The following ZNF536 variants were observed in gnomAD, a reference collection of about 807,000 sequenced individuals.
ZNF536 encodes zinc finger protein 536.
In ZNF536, 13 loss-of-function variants were observed where a neutral mutation model predicts 84.5. That is an observed-to-expected ratio of 0.15 (90% CI 0.10 to 0.24). The LOEUF (loss-of-function observed/expected upper bound fraction) is 0.24, where lower values mean the gene tolerates loss of function less well. Ranked by LOEUF, ZNF536 falls within the 10% of genes least tolerant of loss-of-function variation. ZNF536 has a pLI of 1.00. For missense variants in ZNF536, 1,536 were observed against 1,747.5 expected, an observed-to-expected ratio of 0.88 and a Z score of 2.16; for synonymous variants, 811 against 742.5, an observed-to-expected ratio of 1.09 and a Z score of -1.50.
intron 2 of ZNF536, among the ~76,000 whole-genome samples, chr19:30,481,279 C>T (rs904138336): frequency 3.3e-5 from 5 of 152,154 alleles, no homozygotes; most frequent in Admixed American, 6.6e-5. Flanking sequence ...TACATACATG[C>T]GCATGAGTAT....
intron 1 of ZNF536, among the ~76,000 whole-genome samples, chr19:30,409,522 T>C (rs1272744973): frequency 6.6e-6 from 1 of 152,260 alleles, no homozygotes; most frequent in Non-Finnish European, 1.5e-5. Context: ...AATGACACTT[T>C]GATGAACATC....
intron 1 of ZNF536, among the ~76,000 whole-genome samples, chr19:30,438,157 A>G (rs1047304121): frequency 2.0e-5 from 3 of 152,100 alleles, no homozygotes; most frequent in African/African-American, 4.8e-5. Context: ...GGTATATTGC[A>G]TAATGCTGGG....
chr19:30,427,398 G>A (rs10407344), intron 1 of ZNF536, among the ~76,000 whole-genome samples: 66,723 of 152,022 alleles, frequency 0.44, 15,821 homozygotes, highest in Non-Finnish European at 0.54. Context: ...ATGAATCTGG[G>A]TAGTTTGCCC....
Position 30,444,344 on chromosome 19 carries a change from C to T in ZNF536, c.782C>T (p.Ala261Val), listed in dbSNP as rs2148180055. 6.3e-7 allele frequency: 1 copy of T among 1,596,822 alleles called. No homozygotes were observed. The highest frequency in any genetic ancestry group is 2.2e-5 in the East Asian group (1 of 44,662). Residue 261 changes from alanine (A) to valine (V), a missense_variant, in exon 2 of 5, where the codon GCC becomes GTC. By Grantham distance (64) the Ala-to-Val change is moderately conservative. This residue lies in a region of ZNF536 where 138 missense variants were observed against 136.8 expected (regional missense o/e 1.01). Coordinates refer to ENST00000355537, the MANE Select transcript of ZNF536 (RefSeq NM_014717.3). ...CACCCGGTGCCCTCGCCCAAGCCTG[C>T]CAGCGTGCAGGAGGACGCGGTGGCC... ...VAHPVPSPKP[A>V]SVQEDAVAPA...
In ZNF536 at chr19:30,343,577, C is replaced by T. The variant is rs2047633139; in HGVS notation, c.-119-8791C>T. Among the ~76,000 whole-genome samples, 5 of 152,100 alleles carry T rather than the reference C, an allele frequency of 3.3e-5. No individual in the cohort carries two copies. The South Asian group carries it at 1.0e-3, about 31-fold the overall frequency. ...TGTTCCAGGGCTACTAACTGGTAGT[C>T]CCTGGAGAACCCTATGACATCCACG... On this transcript the variant is annotated intron_variant, in intron 2 of 5. Coordinates refer to the ZNF536 transcript ENST00000585628.
chr19:30,708,159 C>G (rs1258008807), intron 1 of ZNF536, among the ~76,000 whole-genome samples: 1 of 146,376 alleles, frequency 6.8e-6, no homozygotes, highest in East Asian at 2.1e-4. Flanking sequence ...TGGTTCTTGC[C>G]CCAGGAATTC....
chr19:30,392,171 C>A (rs1285739354), intron 1 of ZNF536, among the ~76,000 whole-genome samples: 3 of 152,108 alleles, frequency 2.0e-5, no homozygotes, highest in African/African-American at 7.2e-5. Context: ...CTCAGCCACA[C>A]CCTTTCCCTT....
intron 1 of ZNF536, among the ~76,000 whole-genome samples, chr19:30,274,632 G>C (rs180982750): frequency 1.3e-5 from 2 of 152,258 alleles, no homozygotes; most frequent in East Asian, 3.9e-4. Context: ...TTAGGTTCAA[G>C]GGGGTACATG....
intron 2 of ZNF536, among the ~76,000 whole-genome samples, chr19:30,293,739 T>C (rs1337004347): frequency 2.0e-5 from 3 of 152,148 alleles, no homozygotes; most frequent in Non-Finnish European, 4.4e-5. Flanking sequence ...TGTTAGCACA[T>C]TGCAAGAAAG....
chr19:30,285,788 C>T (rs1364926507), intron 2 of ZNF536, among the ~76,000 whole-genome samples: 1 of 152,238 alleles, frequency 6.6e-6, no homozygotes, highest in Non-Finnish European at 1.5e-5. Flanking sequence ...CATCCCTGGT[C>T]TCTGCCCACT....
chr19:30,390,649 C>A (rs929039975), intron 1 of ZNF536, among the ~76,000 whole-genome samples: 1 of 152,176 alleles, frequency 6.6e-6, no homozygotes, highest in African/African-American at 2.4e-5. Flanking sequence ...CCAAATCTAT[C>A]GGAGCCTGGA....
At chr19:30,449,861 G>A (rs1371969022) in intron 2 of ZNF536, among the ~76,000 whole-genome samples, 1 of 152,114 alleles carries the variant, frequency 6.6e-6, no homozygotes, top group African/African-American at 2.4e-5. Flanking sequence ...AGCATCAAAG[G>A]CCTTTATCTG....
Position 30,701,242 on chromosome 19 carries a change from AACACAAACACAC to A in ZNF536, c.170-9501_170-9490del, listed in dbSNP as rs568594140. Among the ~76,000 whole-genome samples, 69 of 148,464 alleles carry A rather than the reference AACACAAACACAC, an allele frequency of 4.6e-4. No individual in the cohort carries two copies. The East Asian group carries it at 8.2e-3, about 18-fold the overall frequency. ...ACGCAAACACACACAGACACACACA[AACACAAACACAC>A]ACACAAACACACAGACACAGACGCA... On this transcript the variant is annotated intron_variant, in intron 1 of 1. Transcript: ENST00000592773.
intron 1 of ZNF536, among the ~76,000 whole-genome samples, chr19:30,634,566 A>G (rs1291838921): frequency 1.3e-5 from 2 of 151,880 alleles, no homozygotes; most frequent in East Asian, 3.9e-4. Context: ...CCTCAAGGGC[A>G]CCTCTGCTGA....
At chr19:30,395,406 C>G (rs2049774452) in intron 1 of ZNF536, among the ~76,000 whole-genome samples, 2 of 152,138 alleles carry the variant, frequency 1.3e-5, no homozygotes, top group Admixed American at 1.3e-4. Flanking sequence ...ACGTTAAAAC[C>G]CAGCCCTGCT....
intron 1 of ZNF536, among the ~76,000 whole-genome samples, chr19:30,592,629 G>A (rs2047314382): frequency 6.6e-6 from 1 of 151,800 alleles, no homozygotes; most frequent in Non-Finnish European, 1.5e-5. Context: ...TTTCATGTTT[G>A]TGAATCCTAA....
At chr19:30,506,771 A>G (rs1275590777) in intron 2 of ZNF536, among the ~76,000 whole-genome samples, 3 of 152,204 alleles carry the variant, frequency 2.0e-5, no homozygotes, top group Non-Finnish European at 4.4e-5. Context: ...CCCCACAACA[A>G]AAATAGCTTC....
At chr19:30,648,266 G>C (rs568799489) in intron 1 of ZNF536, among the ~76,000 whole-genome samples, 1 of 152,166 alleles carries the variant, frequency 6.6e-6, no homozygotes, top group Non-Finnish European at 1.5e-5. Flanking sequence ...CTGCGGCCGC[G>C]TGGAAGCCTC....
chr19:30,646,502 T>C (rs923750030), intron 1 of ZNF536, among the ~76,000 whole-genome samples: 2 of 152,232 alleles, frequency 1.3e-5, no homozygotes, highest in African/African-American at 4.8e-5. Flanking sequence ...TGTGCGGGTG[T>C]GTGCGTGCTT....
Sources: gnomAD v4.1 joint callset for allele counts (sites outside exome capture counted in the v4.1 genomes callset) on GRCh38, gnomAD v4.1.1 for gene constraint, gnomAD v4.1.1 regional missense constraint, MANE v1.5 for transcripts, NCBI Gene and HGNC (gene_info 2026-07-23, HGNC 2026-07-21) for gene names.